RAD51B: variants seen among roughly 807,000 people sequenced by gnomAD.
RAD51B encodes RAD51 paralog B, also known as DNA repair protein RAD51 homolog 2.
RAD51B carries 38 observed loss-of-function variants against 42.2 expected under a neutral mutation model. The ratio of observed to expected loss-of-function variants is 0.90; its 90% CI spans 0.70 to 1.18. The LOEUF (loss-of-function observed/expected upper bound fraction) is 1.18, where lower values mean the gene tolerates loss of function less well. Ranked by LOEUF, RAD51B falls within the 50% of genes most tolerant of loss-of-function variation. The pLI, the probability that RAD51B is intolerant of heterozygous loss-of-function variation, is 0.00. For missense variants in RAD51B, 373 were observed against 400.7 expected, an observed-to-expected ratio of 0.93 and a Z score of 0.59; for synonymous variants, 154 against 145.2, an observed-to-expected ratio of 1.06 and a Z score of -0.43.
At chr14:68,514,179 G>A (rs1182995096) in intron 10 of RAD51B, among the ~76,000 whole-genome samples, 2 of 152,170 alleles carry the variant, frequency 1.3e-5, no homozygotes, top group Non-Finnish European at 2.9e-5. Flanking sequence ...AAATTACCGC[G>A]GAGCACATTT....
intron 8 of RAD51B, among the ~76,000 whole-genome samples, chr14:68,337,992 A>G (rs1350532164): frequency 6.6e-6 from 1 of 151,724 alleles, no homozygotes; most frequent in East Asian, 1.9e-4. Flanking sequence ...GGGTCTCACT[A>G]TATTGCCCAG....
chr14:68,088,080 C>T (rs1374892547), intron 7 of RAD51B, among the ~76,000 whole-genome samples: 1 of 144,188 alleles, frequency 6.9e-6, no homozygotes, highest in African/African-American at 2.6e-5. Flanking sequence ...TACTCTAGGG[C>T]CCTAAGTGAG....
chr14:67,915,637 C>T (rs897747923), intron 7 of RAD51B, among the ~76,000 whole-genome samples: 2 of 152,152 alleles, frequency 1.3e-5, no homozygotes, highest in African/African-American at 4.8e-5. Context: ...AGGGCTTGCC[C>T]CAGCTTTCCT....
chr14:68,607,330 T>G (rs565538308), intron 10 of RAD51B, among the ~76,000 whole-genome samples: 1 of 152,174 alleles, frequency 6.6e-6, no homozygotes, highest in Non-Finnish European at 1.5e-5. Flanking sequence ...CTTGTCCCAA[T>G]CCTGAGAGTA....
At chr14:68,146,090 G>A (rs2078243398) in intron 7 of RAD51B, among the ~76,000 whole-genome samples, 1 of 152,138 alleles carries the variant, frequency 6.6e-6, no homozygotes, top group Admixed American at 6.6e-5. Context: ...TTAACTAGTA[G>A]TGTGGGGAGG....
intron 8 of RAD51B, among the ~76,000 whole-genome samples, chr14:68,329,621 G>C (rs2082309322): frequency 6.6e-6 from 1 of 152,108 alleles, no homozygotes; most frequent in South Asian, 2.1e-4. Context: ...GTAGAGGCTG[G>C]TTTTTACCTT....
chr14:68,375,607 CTGTT>C lies in RAD51B; in HGVS notation c.854-35814_854-35811del, dbSNP rs200987737. Among the ~76,000 whole-genome samples, 1,089 of 152,178 alleles carry C rather than the reference CTGTT, an allele frequency of 7.2e-3. 12 individuals are homozygous for C. Among genetic ancestry groups the C allele is most frequent in the Middle Eastern group, 0.024 (7 of 294 alleles). On this transcript the variant is annotated intron_variant, in intron 8 of 10. Transcript: ENST00000471583. ...TGTAACTAACTGATTATTTGTGTAA[CTGTT>C]TGCATGTTTAGGCTGTAAGGATGCA...
intron 7 of RAD51B, among the ~76,000 whole-genome samples, chr14:67,891,105 A>G (rs563109756): frequency 6.6e-6 from 1 of 152,102 alleles, no homozygotes; most frequent in African/African-American, 2.4e-5. Context: ...TATGAATAAT[A>G]TTGAACTTTT....
intron 7 of RAD51B, among the ~76,000 whole-genome samples, chr14:67,976,972 T>C (rs1018466518): frequency 2.6e-5 from 4 of 152,118 alleles, no homozygotes; most frequent in African/African-American, 9.7e-5. Context: ...AAAATGCTCA[T>C]CATCACTGGC....
At chr14:68,482,176 G>GGGGTGTGTGTGTGTGTGTGT (rs148913511), downstream of RAD51B, among the ~76,000 whole-genome samples, 1 of 149,802 alleles carries the variant, frequency 6.7e-6, no homozygotes, top group Non-Finnish European at 1.5e-5. Flanking sequence ...ATATTTTAGG[G>GGGGTGTGTGTGTGTGTGTGT]GTGTGTGTGT....
chr14:68,114,913 G>A (rs914739992), intron 7 of RAD51B, among the ~76,000 whole-genome samples: 1 of 151,884 alleles, frequency 6.6e-6, no homozygotes, highest in Non-Finnish European at 1.5e-5. Context: ...TGGAGAGGAT[G>A]TGGAGAAATA....
intron 8 of RAD51B, among the ~76,000 whole-genome samples, chr14:68,405,601 T>C (rs940594115): frequency 2.6e-5 from 4 of 151,644 alleles, no homozygotes; most frequent in African/African-American, 9.7e-5. Context: ...TCACTCAGGG[T>C]TTCCTTTGGA....
At chr14:67,822,767 A>G in intron 1 of RAD51B, among the ~76,000 whole-genome samples, 1 of 152,116 alleles carries the variant, frequency 6.6e-6, no homozygotes, top group East Asian at 1.9e-4. Flanking sequence ...AGAACATTTT[A>G]ATACTGCAGT....
intron 11 of RAD51B, among the ~76,000 whole-genome samples, chr14:68,660,271 G>A (rs764494438): frequency 1.3e-4 from 20 of 152,204 alleles, no homozygotes; most frequent in Admixed American, 8.5e-4. Flanking sequence ...GAAAAATACC[G>A]GGCTGGACAC....
chr14:67,840,806 C>CTT (rs139189527), intron 4 of RAD51B, among the ~76,000 whole-genome samples: 4 of 145,144 alleles, frequency 2.8e-5, no homozygotes, highest in East Asian at 2.0e-4. Flanking sequence ...TATTTTTTGA[C>CTT]TTTTTTTTTT....
At chr14:68,683,051 T>C (rs1160118601) in intron 11 of RAD51B, 2 of 709,854 alleles carry the variant, frequency 2.8e-6, no homozygotes, top group Non-Finnish European at 3.5e-6. Flanking sequence ...GCCCAAAATA[T>C]GCCTGTTATT....
chr14:68,241,411 G>A lies in RAD51B; in HGVS notation c.757-50473G>A, dbSNP rs544617255. Reference sequence around the variant, plus strand: ...CAAAAAATTAGCTGGGTATGGTGGCGGGCGCCTGTGGTCCCAGCTACTCGG... The same window carrying A: ...CAAAAAATTAGCTGGGTATGGTGGCAGGCGCCTGTGGTCCCAGCTACTCGG... On this transcript the variant is annotated intron_variant, in intron 7 of 10. Transcript: ENST00000471583. 1.3e-4 allele frequency among the ~76,000 whole-genome samples: 20 copies of A among 152,182 alleles called. No individual in the cohort carries two copies. In the South Asian group the frequency reaches 2.3e-3, roughly 17 times the overall value.
chr14:68,010,521 C>T (rs1218712449), intron 7 of RAD51B, among the ~76,000 whole-genome samples: 1 of 151,578 alleles, frequency 6.6e-6, no homozygotes, highest in African/African-American at 2.4e-5. Flanking sequence ...TTTTCTAATA[C>T]AAATATATAA....
At chr14:68,055,890 A>G (rs1346560982) in intron 7 of RAD51B, among the ~76,000 whole-genome samples, 1 of 152,150 alleles carries the variant, frequency 6.6e-6, no homozygotes, top group Non-Finnish European at 1.5e-5. Flanking sequence ...GACCAACTCC[A>G]ATTCAATATG....
Sources: allele counts gnomAD v4.1 joint callset (sites outside exome capture counted in the v4.1 genomes callset), GRCh38; gene constraint gnomAD v4.1.1; transcripts MANE v1.5; gene names NCBI Gene and HGNC (gene_info 2026-07-23, HGNC 2026-07-21).